BROX: variants seen among roughly 807,000 people sequenced by gnomAD.
BROX encodes BRO1 domain and CAAX motif containing, also known as BRO1 domain-containing protein BROX.
A neutral mutation model predicts 61.0 loss-of-function variants in BROX; 53 were observed. The observed-to-expected ratio is 0.87, with a 90% CI of 0.70 to 1.09. The LOEUF (loss-of-function observed/expected upper bound fraction) is 1.09, where lower values mean the gene tolerates loss of function less well. Among genes scored for constraint, BROX ranks in the 50% least tolerant of loss-of-function variants. The pLI is 0.00. For missense variants in BROX, 489 were observed against 472.0 expected (o/e 1.04, Z -0.33); for synonymous variants, 152 against 160.2 (o/e 0.95, Z 0.38).
chr1:222,722,683 A>G (rs1410310538), intron 5 of BROX, among the ~76,000 whole-genome samples, 169 bp downstream of exon 5: 2 of 152,200 alleles, frequency 1.3e-5, no homozygotes, highest in African/African-American at 4.8e-5. Context: ...TTAAGAGGTA[A>G]AATAAATTTT....
At chr1:222,729,740 A>AGG (rs1657798385) in intron 10 of BROX, 39 bp downstream of exon 10, 1 of 1,558,642 alleles carries the variant, frequency 6.4e-7, no homozygotes, top group Non-Finnish European at 8.8e-7. Context: ...CCCTTTAAAA[A>AGG]ACAAATGACT....
intron 2 of BROX, among the ~76,000 whole-genome samples, chr1:222,718,578 T>C (rs1213517027): frequency 1.3e-5 from 2 of 152,082 alleles, no homozygotes; most frequent in East Asian, 3.9e-4. Flanking sequence ...CTTAAGTGCA[T>C]GCATTTGTTT....
chr1:222,713,044 C>A, intron 1 of BROX, 102 bp downstream of exon 1: 3 of 1,073,928 alleles, frequency 2.8e-6, no homozygotes, highest in Non-Finnish European at 3.4e-6. Flanking sequence ...TCTCCATAGA[C>A]CCCTGGACAG....
chr1:222,726,621 G>T (rs561700292), intron 7 of BROX, among the ~76,000 whole-genome samples: 1 of 152,244 alleles, frequency 6.6e-6, no homozygotes, highest in East Asian at 1.9e-4. Context: ...GGAGGCTGAG[G>T]CAGGAGAATC....
At position 222,721,601 on chromosome 1, in the gene BROX, A is replaced by G. The variant is rs73124902; in HGVS notation, c.306-818A>G. Among the ~76,000 whole-genome samples, 1,008 of 152,342 alleles carry G rather than the reference A, an allele frequency of 6.6e-3. 11 individuals carry two copies. Among genetic ancestry groups the G allele is most frequent in the African/African-American group, 0.023 (956 of 41,574 alleles). On this transcript the variant is annotated intron_variant, in intron 4 of 12. Coordinates refer to ENST00000340934, the MANE Select transcript of BROX (RefSeq NM_144695.4). ...AAAATTTTCAGGTTCTTCTAAGAACAATAGTGAATATATATTGTTATGAAT... is the reference window on the plus strand; with the variant it reads ...AAAATTTTCAGGTTCTTCTAAGAACGATAGTGAATATATATTGTTATGAAT...
intron 1 of BROX, among the ~76,000 whole-genome samples, chr1:222,714,779 C>G (rs1354670450): frequency 6.6e-6 from 1 of 151,568 alleles, no homozygotes; most frequent in Non-Finnish European, 1.5e-5. Context: ...CGGGTCTCAC[C>G]ATGTTGCCCA....
In BROX at chr1:222,732,810, G is replaced by A. The variant is rs1658041221; in HGVS notation, c.*96G>A. The A allele has an allele frequency of 1.0e-6, 1 of 984,972 alleles. No homozygotes were observed. The highest frequency in any genetic ancestry group is 1.5e-6 in the Non-Finnish European group (1 of 651,304). The allele number at this position is 984,972 out of a possible 1,614,324, so 61.0% of individuals were successfully genotyped here. On this transcript the variant is annotated 3_prime_UTR_variant, in exon 13 of 13. Coordinates refer to ENST00000340934, the MANE Select transcript of BROX (RefSeq NM_144695.4). ...CAAAATGATTTCTCTGAAGCTTGTA[G>A]AATAACTATTATATTCAGAGGGTTA...
chr1:222,712,848 T>C lies in BROX; in HGVS notation c.-111T>C. ...TTTCCGTCACCCTGGTTCTGTAGTC[T>C]CGGTTCTCCGACTCCCTCTTTTTCT... On this transcript the variant is annotated 5_prime_UTR_variant, in exon 1 of 13. Coordinates refer to ENST00000340934, the MANE Select transcript of BROX (RefSeq NM_144695.4). 1 of 1,279,774 alleles carries C rather than the reference T, an allele frequency of 7.8e-7. No homozygotes were observed. Among genetic ancestry groups the C allele is most frequent in the Non-Finnish European group, 1.0e-6 (1 of 982,480 alleles). The allele number at this position is 1,279,774 out of a possible 1,614,324, so 79.3% of individuals were successfully genotyped here.
chr1:222,719,089 A>C, intron 3 of BROX, 58 bp downstream of exon 3: 2 of 1,462,590 alleles, frequency 1.4e-6, no homozygotes, highest in Non-Finnish European at 1.9e-6. Context: ...GTTTACATTT[A>C]ATTCTTTGAC....
intron 9 of BROX, among the ~76,000 whole-genome samples, 188 bp from the exon 10 acceptor site, chr1:222,729,430 CTG>C (rs1199891402): frequency 6.6e-6 from 1 of 152,122 alleles, no homozygotes; most frequent in East Asian, 1.9e-4. Context: ...GGTTAGAAGG[CTG>C]TTTGGGCTCA....
chr1:222,714,322 C>T (rs752668052), intron 1 of BROX, among the ~76,000 whole-genome samples: 1 of 151,102 alleles, frequency 6.6e-6, no homozygotes, highest in Non-Finnish European at 1.5e-5. Flanking sequence ...CCTGCCTCAG[C>T]CTCCCAAGTA....
At chr1:222,727,071 C>T (rs1657559732) in intron 7 of BROX, 97 bp from the exon 8 acceptor site, 3 of 858,810 alleles carry the variant, frequency 3.5e-6, no homozygotes, top group Non-Finnish European at 3.8e-6. Flanking sequence ...ATTAAAATCC[C>T]AGAGAGATTA....
At position 222,724,269 on chromosome 1, in the gene BROX, A is replaced by G. The variant is rs550039668; in HGVS notation, c.474+105A>G. 3 of 907,748 alleles carry G rather than the reference A, an allele frequency of 3.3e-6. No homozygotes were observed. In the East Asian group the frequency reaches 8.0e-5, roughly 24 times the overall value. The allele number at this position is 907,748 out of a possible 1,614,324, so 56.2% of individuals were successfully genotyped here. On this transcript the variant is annotated intron_variant, in intron 6 of 12. Coordinates refer to ENST00000340934, the MANE Select transcript of BROX (RefSeq NM_144695.4). ...GAAAGAATTGTTTCATTATATTAAA[A>G]AAGGTACTATGTGTTCTGTTTTCCT...
rs533277922 is a variant in BROX, at chr1:222,734,042, A to G, written c.*1328A>G. 9.2e-5 allele frequency: 14 copies of G among 152,236 alleles called. No individual in the cohort carries two copies. The highest frequency in any genetic ancestry group is 2.1e-4 in the Non-Finnish European group (14 of 68,032). 9.4% of individuals were successfully genotyped at this position (152,236 alleles called of 1,614,324 possible). A position where few individuals can be genotyped will look rare whatever the true frequency, so the allele number is the denominator to read the frequency against. On this transcript the variant is annotated 3_prime_UTR_variant, in exon 13 of 13. Transcript: ENST00000340934. ...GTTTAGGCCAAAGGCCATAGCAAAA[A>G]CATAGAGAACAAATATGATCTTAAA...
chr1:222,732,607 C>A, intron 12 of BROX, 21 bp from the exon 13 acceptor site: 1 of 1,561,156 alleles, frequency 6.4e-7, no homozygotes, highest in Non-Finnish European at 8.8e-7. Context: ...TGTACTTAAA[C>A]TGTGGTTTTT....
At chr1:222,717,675 G>A (rs1055895769) in intron 2 of BROX, among the ~76,000 whole-genome samples, 3 of 152,092 alleles carry the variant, frequency 2.0e-5, no homozygotes, top group Non-Finnish European at 4.4e-5. Flanking sequence ...ATACTTTCTT[G>A]GAATAAGCCT....
intron 2 of BROX, among the ~76,000 whole-genome samples, chr1:222,716,941 A>G (rs555003534): frequency 1.3e-5 from 2 of 152,364 alleles, no homozygotes; most frequent in East Asian, 3.9e-4. Context: ...GGGAGGCTGA[A>G]AAGGATTCAG....
In BROX at chr1:222,726,749, A is replaced by G. The variant is rs149789618; in HGVS notation, c.581-419A>G. The stretch of plus-strand genomic sequence containing the variant: ...AAAAAAAAGAAATTAGCCAGGTGCC[A>G]TGGCATGCATGTGTAGTCTCAGCCA... On this transcript the variant is annotated intron_variant, in intron 7 of 12. Transcript: ENST00000340934. 1.6e-3 allele frequency among the ~76,000 whole-genome samples: 247 copies of G among 151,728 alleles called. 1 individual carries two copies. The highest frequency in any genetic ancestry group is 5.4e-3 in the African/African-American group (224 of 41,398).
chr1:222,726,235 T>C (rs931829352), intron 7 of BROX, among the ~76,000 whole-genome samples: 11 of 152,220 alleles, frequency 7.2e-5, no homozygotes, highest in Admixed American at 2.6e-4. Context: ...TAAGAAACTT[T>C]GTAGGCTTTC....
Sources: gnomAD v4.1 joint callset for allele counts (sites outside exome capture counted in the v4.1 genomes callset) on GRCh38, gnomAD v4.1.1 for gene constraint, MANE v1.5 for transcripts, NCBI Gene and HGNC (gene_info 2026-07-23, HGNC 2026-07-21) for gene names.